GRAMD1A: variants seen among roughly 807,000 people sequenced by gnomAD.
GRAMD1A encodes the protein protein Aster-A.
Under a neutral mutation model 92.0 loss-of-function variants are expected in GRAMD1A, and 50 were observed. The ratio of observed to expected loss-of-function variants is 0.54; its 90% confidence interval spans 0.43 to 0.69. The LOEUF is 0.69. GRAMD1A is among the 30% of genes least tolerant of loss of function. The pLI is 0.00. For synonymous variants in GRAMD1A, 405 were observed against 403.6 expected, an observed-to-expected ratio of 1.00 and a Z score of -0.04; for missense variants, 819 against 978.9, an observed-to-expected ratio of 0.84 and a Z score of 2.18.
upstream of GRAMD1A, among the ~76,000 whole-genome samples, chr19:34,995,570 G>GTTTTTTTTTTTT (rs1173583059): frequency 8.9e-4 from 72 of 80,970 alleles, 16 homozygotes; most frequent in South Asian, 2.1e-3. Context: ...TCAGATCACG[G>GTTTTTTTTTTTT]GTTTTTTTTT....
upstream of GRAMD1A, chr19:34,999,453 T>A (rs1419989672): frequency 6.6e-6 from 1 of 151,366 alleles, no homozygotes; most frequent in African/African-American, 2.4e-5. Flanking sequence ...CTCGCATTTC[T>A]GTGTGGTTGG....
At chr19:34,996,785 C>CA (rs2014054373), upstream of GRAMD1A, among the ~76,000 whole-genome samples, 1 of 136,694 alleles carries the variant, frequency 7.3e-6, no homozygotes, top group Admixed American at 8.0e-5. Flanking sequence ...GCCTGGGCGT[C>CA]AGAGCAAGAC....
upstream of GRAMD1A, among the ~76,000 whole-genome samples, chr19:34,996,533 G>A (rs116818584): frequency 9.4e-4 from 143 of 152,354 alleles, no homozygotes; most frequent in African/African-American, 3.2e-3. Context: ...GAAGCCGGGC[G>A]TGGTGGCTCA....
intron 6 of GRAMD1A, chr19:35,010,621 TC>T (rs2015165941): frequency 1.7e-6 from 1 of 592,772 alleles, no homozygotes; most frequent in African/African-American, 1.9e-5. Context: ...GTAAAACTCT[TC>T]CATGTATGTG....
intron 13 of GRAMD1A, among the ~76,000 whole-genome samples, chr19:35,020,299 G>A (rs982459577): frequency 1.3e-5 from 2 of 152,158 alleles, no homozygotes; most frequent in Non-Finnish European, 2.9e-5. Flanking sequence ...AGCAATTTGG[G>A]AGGCTGAGGT....
intron 1 of GRAMD1A, chr19:35,005,945 C>CT: frequency 2.2e-6 from 1 of 456,260 alleles, no homozygotes; most frequent in Admixed American, 2.3e-5. Context: ...AGAGAGACAA[C>CT]TTTGAGTTGC....
chr19:34,996,271 G>A (rs1334830431), upstream of GRAMD1A: 24 of 1,532,334 alleles, frequency 1.6e-5, no homozygotes, highest in Admixed American at 1.4e-4. Flanking sequence ...TGCCAGACCC[G>A]CAGAGTCTGT....
rs201363094 is a variant in GRAMD1A at position 35,010,194 on chromosome 19, C to T, written c.428C>T (p.Thr143Met). The T allele has an allele frequency of 9.6e-5, 154 of 1,608,956 alleles. No homozygotes were observed. The African/African-American group carries it at 1.0e-3, about 11-fold the overall frequency. ...FYSNIFRWETTISIQLKEVTC... is the reference protein window; with the variant it reads ...FYSNIFRWETMISIQLKEVTC... ...AGCAACATCTTCCGCTGGGAGACCACGGTGAGCCCGCAGCGGGGCAGGGTA... is the reference window on the plus strand; with the variant it reads ...AGCAACATCTTCCGCTGGGAGACCATGGTGAGCCCGCAGCGGGGCAGGGTA... The change falls in exon 5 of 20, where the codon ACG becomes ATG. Residue 143 changes from threonine (T) to methionine (M), a missense_variant and splice_region_variant. Around this residue, in one of 3 missense-constraint regions of GRAMD1A, gnomAD observed 144 missense variants for 220.3 expected, o/e 0.65. Coordinates refer to ENST00000317991, the MANE Select transcript of GRAMD1A (RefSeq NM_020895.5).
intron 10 of GRAMD1A, 139 bp downstream of exon 10, chr19:35,014,526 T>A (rs2015486587): frequency 2.8e-6 from 2 of 718,278 alleles, no homozygotes; most frequent in South Asian, 1.7e-5. Flanking sequence ...TTGCTAGAAA[T>A]CTCTGTCTTT....
chr19:35,024,900 G>A (rs2151739891), intron 19 of GRAMD1A: 1 of 152,336 alleles, frequency 6.6e-6, no homozygotes, highest in Middle Eastern at 3.4e-3. Flanking sequence ...TGATCCTCCT[G>A]CCTCAGCATC....
chr19:35,022,331 G>T (rs1289184016), intron 16 of GRAMD1A, among the ~76,000 whole-genome samples: 2 of 152,172 alleles, frequency 1.3e-5, no homozygotes, highest in African/African-American at 4.8e-5. Flanking sequence ...TCTGGAATTA[G>T]GTGCACAGGG....
chr19:34,996,323 GTCTC>G (rs1286228478), upstream of GRAMD1A: 15 of 1,464,478 alleles, frequency 1.0e-5, no homozygotes, highest in Non-Finnish European at 1.4e-5. Flanking sequence ...AGGAAAGAGG[GTCTC>G]TCTGTCTAGG....
chr19:35,012,049 C>T (rs767373517), intron 7 of GRAMD1A, among the ~76,000 whole-genome samples: 4 of 152,202 alleles, frequency 2.6e-5, no homozygotes, highest in Non-Finnish European at 4.4e-5. Flanking sequence ...GGCAGAGCCC[C>T]GGGATTCCAG....
intron 1 of GRAMD1A, among the ~76,000 whole-genome samples, chr19:35,001,451 C>T (rs1295928783): frequency 1.3e-5 from 2 of 152,038 alleles, no homozygotes; most frequent in East Asian, 1.9e-4. Flanking sequence ...TGTGTTTTAC[C>T]ATTAATTCTA....
At chr19:35,023,102 GTC>G in intron 17 of GRAMD1A, 132 bp from the exon 18 acceptor site, 1 of 814,078 alleles carries the variant, frequency 1.2e-6, no homozygotes, top group Non-Finnish European at 2.1e-6. Flanking sequence ...CCCTAGGCAT[GTC>G]TCTCATCCTC....
In GRAMD1A at chr19:35,013,162, G is replaced by C; in HGVS notation, c.607-94G>C. On this transcript the variant is annotated intron_variant, in intron 7 of 19. Transcript: ENST00000317991. The surrounding 1 kb of genome is among the most constrained non-coding windows in gnomAD (Gnocchi z 4.9). ...GTGGCTGCCTCCTTGTGGAAGCCAG[G>C]GGAACTGCGGAGGCCGAGGGCTGGT... is the stretch of plus-strand genomic sequence containing the variant. 3.0e-6 allele frequency: 2 copies of C among 663,642 alleles called. No homozygotes were observed. The highest frequency in any genetic ancestry group is 5.3e-6 in the Non-Finnish European group (2 of 376,066). The allele number at this position is 663,642 out of a possible 1,614,324, so 41.1% of individuals were successfully genotyped here.
upstream of GRAMD1A, chr19:34,996,369 G>A (rs1163250017): frequency 5.9e-6 from 7 of 1,180,166 alleles, no homozygotes; most frequent in African/African-American, 7.7e-5. Flanking sequence ...TGGGTTCCTT[G>A]TGGCTGCGGG....
chr19:35,011,276 C>T (rs1439327150), intron 6 of GRAMD1A, among the ~76,000 whole-genome samples, 198 bp from the exon 7 acceptor site: 3 of 152,174 alleles, frequency 2.0e-5, no homozygotes, highest in African/African-American at 7.2e-5. Flanking sequence ...GGTCGTCTCC[C>T]CATCCCAGTG....
chr19:34,995,026 T>C (rs2013971883), intron 1 of GRAMD1A, among the ~76,000 whole-genome samples: 1 of 152,178 alleles, frequency 6.6e-6, no homozygotes. Flanking sequence ...AGGCAGCCTC[T>C]AACATCACAG....
Sources: allele counts gnomAD v4.1 joint callset (sites outside exome capture counted in the v4.1 genomes callset), GRCh38; gene constraint gnomAD v4.1.1; regional missense constraint gnomAD v4.1.1; non-coding constraint Gnocchi (gnomAD v3.1); transcripts MANE v1.5; gene names NCBI Gene and HGNC (gene_info 2026-07-23, HGNC 2026-07-21).